The following CAPRIN2 variants were observed in gnomAD, a reference collection of about 807,000 sequenced individuals.
The protein encoded by CAPRIN2 is caprin-2.
A neutral mutation model predicts 130.4 loss-of-function variants in CAPRIN2; 66 were observed. That is an observed-to-expected ratio of 0.51 (90% CI 0.42 to 0.62). The LOEUF (loss-of-function observed/expected upper bound fraction) is 0.62, where lower values mean the gene tolerates loss of function less well. CAPRIN2 is among the 20% of genes least tolerant of loss of function. CAPRIN2 has a pLI of 0.00. For missense variants in CAPRIN2, 1,185 were observed against 1,246.6 expected (o/e 0.95, Z 0.74); for synonymous variants, 471 against 444.1 (o/e 1.06, Z -0.76).
chr12:30,754,866 T>G (rs1478704983), upstream of CAPRIN2: 1 of 151,888 alleles, frequency 6.6e-6, no homozygotes, highest in Non-Finnish European at 1.5e-5. Flanking sequence ...CGTCTCCTCC[T>G]CCTGTCTCCT....
intron 8 of CAPRIN2, among the ~76,000 whole-genome samples, chr12:30,726,552 T>G (rs1276556151): frequency 6.6e-6 from 1 of 152,158 alleles, no homozygotes; most frequent in Non-Finnish European, 1.5e-5. Flanking sequence ...ACCCTAAAAT[T>G]GAGAGGGATA....
chr12:30,744,508 C>T (rs1439755365), intron 2 of CAPRIN2, among the ~76,000 whole-genome samples: 1 of 152,156 alleles, frequency 6.6e-6, no homozygotes, highest in South Asian at 2.1e-4. Flanking sequence ...TTCTCAGAGC[C>T]TTTACGCATG....
rs541397442 is a variant in CAPRIN2 at position 30,710,622 on chromosome 12, A to G, written c.2666-152T>C. ...ATATAGCTAGATTATACTTTTCTAG[A>G]TTTTTCTGGTAATAGGTTTTTACAT... On this transcript the variant is annotated intron_variant, in intron 16 of 16. Coordinates refer to ENST00000298892, the Ensembl canonical transcript of CAPRIN2. The surrounding 1 kb of genome is among the most constrained non-coding windows in gnomAD (Gnocchi z 4.8). 6 of 1,213,042 alleles carry G rather than the reference A, an allele frequency of 4.9e-6. No homozygotes were observed. The highest frequency in any genetic ancestry group is 1.6e-5 in the South Asian group (1 of 62,384). The allele number at this position is 1,213,042 out of a possible 1,614,324, so 75.1% of individuals were successfully genotyped here.
intron 13 of CAPRIN2, chr12:30,715,420 A>G: frequency 1.9e-6 from 1 of 522,362 alleles, no homozygotes; most frequent in South Asian, 1.5e-5. Flanking sequence ...TAGTTTCAAA[A>G]GCACAAATAT....
chr12:30,741,519 G>GA (rs1386672082), intron 2 of CAPRIN2, among the ~76,000 whole-genome samples: 2 of 151,984 alleles, frequency 1.3e-5, no homozygotes, highest in Admixed American at 1.3e-4. Context: ...TAATACAGTG[G>GA]AAAGATTTAG....
exon 8 of CAPRIN2, chr12:30,728,860 T>C (rs2061718513): frequency 1.2e-6 from 2 of 1,614,026 alleles, no homozygotes; most frequent in African/African-American, 2.7e-5. Context: ...TTGGTGGTGT[T>C]CTGTTCGCTC....
chr12:30,745,815 A>C (rs1198621653), intron 2 of CAPRIN2, among the ~76,000 whole-genome samples: 1 of 152,180 alleles, frequency 6.6e-6, no homozygotes, highest in Admixed American at 6.5e-5. Flanking sequence ...TTTAAGAGTA[A>C]ACTAAGGAAA....
At chr12:30,735,572 T>A (rs1004423096) in intron 3 of CAPRIN2, among the ~76,000 whole-genome samples, 3 of 152,222 alleles carry the variant, frequency 2.0e-5, no homozygotes, top group Admixed American at 6.5e-5. Flanking sequence ...GGATTTTTTT[T>A]AAATTTCATA....
intron 10 of CAPRIN2, 143 bp from the exon 12 acceptor site, chr12:30,723,457 T>TA (rs1391045264): frequency 5.0e-6 from 3 of 602,148 alleles, no homozygotes; most frequent in African/African-American, 1.9e-5. Flanking sequence ...CACTTTCTAT[T>TA]AGAGTTTTAA....
At chr12:30,744,190 T>C (rs997222223) in intron 2 of CAPRIN2, among the ~76,000 whole-genome samples, 4 of 152,154 alleles carry the variant, frequency 2.6e-5, no homozygotes, top group Admixed American at 2.6e-4. Context: ...TTGATTCAAG[T>C]TCCTCTGCCA....
chr12:30,740,771 C>T (rs2139045639), intron 3 of CAPRIN2, among the ~76,000 whole-genome samples: 1 of 152,312 alleles, frequency 6.6e-6, no homozygotes, highest in South Asian at 2.1e-4. Flanking sequence ...AAATAACATA[C>T]ATTAGATAAC....
At chr12:30,724,394 A>C (rs2060283579) in exon 10 of CAPRIN2, 5 of 1,612,980 alleles carry the variant, frequency 3.1e-6, no homozygotes, top group Non-Finnish European at 4.2e-6. Flanking sequence ...GGAGTAGCTG[A>C]AGGCGGTTGT....
At chr12:30,733,539 C>A in intron 5 of CAPRIN2, 90 bp downstream of exon 6, 2 of 836,460 alleles carry the variant, frequency 2.4e-6, no homozygotes, top group Non-Finnish European at 4.1e-6. Context: ...TTCTGATGGA[C>A]TAACACAGTT....
chr12:30,726,389 G>A (rs2137518227), intron 8 of CAPRIN2, among the ~76,000 whole-genome samples: 1 of 151,986 alleles, frequency 6.6e-6, no homozygotes, highest in South Asian at 2.1e-4. Flanking sequence ...ATGTCCTCTA[G>A]GATAAGATGC....
chr12:30,722,961 A>C (rs1404655115), intron 11 of CAPRIN2, among the ~76,000 whole-genome samples: 1 of 152,180 alleles, frequency 6.6e-6, no homozygotes, highest in Non-Finnish European at 1.5e-5. Flanking sequence ...CTATGTTAAT[A>C]AACTAAATTA....
At chr12:30,709,725 TA>T in exon 17 of CAPRIN2, 1 of 618,380 alleles carries the variant, frequency 1.6e-6, no homozygotes, top group Non-Finnish European at 2.8e-6. Context: ...AGATTAGTGC[TA>T]ATTGTCATTC....
chr12:30,751,392 A>C, intron 1 of CAPRIN2: 1 of 412,112 alleles, frequency 2.4e-6, no homozygotes, highest in Non-Finnish European at 4.5e-6. Context: ...CTCTATTAAT[A>C]ACTAGACTAC....
chr12:30,719,054 A>G (rs1177506093), intron 12 of CAPRIN2, 25 bp downstream of exon 14: 1 of 1,603,908 alleles, frequency 6.2e-7, no homozygotes, highest in Admixed American at 1.7e-5. Context: ...ATGAACTGCA[A>G]TCATCATTCA....
intron 2 of CAPRIN2, among the ~76,000 whole-genome samples, chr12:30,749,129 T>A (rs1177008394): frequency 6.6e-6 from 1 of 151,962 alleles, no homozygotes; most frequent in Non-Finnish European, 1.5e-5. Context: ...AGAAAGAACA[T>A]CCCAAGCAGT....
Sources: allele counts gnomAD v4.1 joint callset (sites outside exome capture counted in the v4.1 genomes callset), GRCh38; gene constraint gnomAD v4.1.1; non-coding constraint Gnocchi (gnomAD v3.1); transcripts MANE v1.5; gene names NCBI Gene and HGNC (gene_info 2026-07-23, HGNC 2026-07-21).